The following ZBTB2 variants were observed in gnomAD, a reference collection of about 807,000 sequenced individuals.
ZBTB2 encodes the protein zinc finger and BTB domain containing 2.
Under a neutral mutation model 39.5 loss-of-function variants are expected in ZBTB2, and 2 were observed. The ratio of observed to expected loss-of-function variants is 0.05; its 90% CI spans 0.02 to 0.16. The LOEUF (loss-of-function observed/expected upper bound fraction) is 0.16. Among genes scored for constraint, ZBTB2 ranks in the 10% least tolerant of loss-of-function variants. ZBTB2 has a pLI of 1.00. For synonymous variants in ZBTB2, 251 were observed against 256.6 expected (o/e 0.98, Z 0.21); for missense variants, 391 against 653.0 (o/e 0.60, Z 4.37).
chr6:151,385,212 C>T lies in ZBTB2; in HGVS notation c.-13+6208G>A, dbSNP rs188878324. 3.7e-3 allele frequency among the ~76,000 whole-genome samples: 569 copies of T among 152,216 alleles called. 3 individuals carry two copies. The highest frequency in any genetic ancestry group is 0.011 in the African/African-American group (461 of 41,520). Reference sequence around the variant, plus strand: ...GTATGTGTACAAAGCTTTTACTTTTCTTAAGTAAATTCAGAGACTATAAGA... The same window carrying T: ...GTATGTGTACAAAGCTTTTACTTTTTTTAAGTAAATTCAGAGACTATAAGA... On this transcript the variant is annotated intron_variant, in intron 1 of 2. Coordinates refer to ENST00000325144, the MANE Select transcript of ZBTB2 (RefSeq NM_020861.3).
chr6:151,380,940 A>T (rs1433360452), intron 1 of ZBTB2, among the ~76,000 whole-genome samples: 1 of 152,162 alleles, frequency 6.6e-6, no homozygotes, highest in Non-Finnish European at 1.5e-5. Flanking sequence ...AAGGACAATA[A>T]AAACCAGGTA....
Position 151,366,752 on chromosome 6 carries a change from T to C in ZBTB2, c.314A>G (p.Tyr105Cys). 1 of 1,613,974 alleles carries C rather than the reference T, an allele frequency of 6.2e-7. No homozygotes were observed. The highest frequency in any genetic ancestry group is 1.1e-5 in the South Asian group (1 of 91,062). Residue 105 changes from tyrosine to cysteine, a missense_variant, in exon 3 of 3, where the codon TAC (tyrosine) becomes TGC (cysteine). By Grantham distance (194) the Tyr-to-Cys change is radical. Around this residue, in one of 7 missense-constraint regions of ZBTB2, gnomAD observed 175 missense variants for 198.6 expected, o/e 0.88. Transcript: ENST00000325144. The surrounding 1 kb of genome is among the most constrained non-coding windows in gnomAD (Gnocchi z 7.1). ...GAGGCTGGCTTCCTGAATGAGCGGG[T>C]AGGCGTGCAGAAACTTGATGCCCTG... Reference protein sequence around the residue: ...LEQGIKFLHAYPLIQEASLAS... With the variant: ...LEQGIKFLHACPLIQEASLAS...
chr6:151,366,684 G>A lies in ZBTB2; in HGVS notation c.382C>T (p.Leu128=). 6.2e-7 allele frequency: 1 copy of A among 1,614,186 alleles called. No individual in the cohort carries two copies. Among genetic ancestry groups the A allele is most frequent in the Non-Finnish European group, 8.5e-7 (1 of 1,180,038 alleles). Reference sequence around the variant, plus strand: ...TGAATGCCATACAATGAAGAAGCCAGTGGGAAAACTTGGTCAGGGTGAGAA... The same window carrying A: ...TGAATGCCATACAATGAAGAAGCCAATGGGAAAACTTGGTCAGGGTGAGAA... ...AFSHPDQVFP[L]ASSLYGIQIA... Residue 128 remains leucine (L), a synonymous_variant, in exon 3 of 3, where the codon CTG becomes TTG. Transcript: ENST00000325144. This position sits in a 1 kb window ranked among gnomAD's most constrained non-coding sequence, Gnocchi z 7.1.
At chr6:151,390,360 C>T (rs1423679397) in intron 1 of ZBTB2, among the ~76,000 whole-genome samples, 1 of 150,034 alleles carries the variant, frequency 6.7e-6, no homozygotes, top group East Asian at 2.0e-4. Flanking sequence ...CTCCCTGTCC[C>T]CGTCCCCGAG....
intron 1 of ZBTB2, among the ~76,000 whole-genome samples, chr6:151,375,087 TC>T: frequency 6.6e-6 from 1 of 151,778 alleles, no homozygotes; most frequent in African/African-American, 2.4e-5. Flanking sequence ...ACCACTGCAC[TC>T]CAGCCTGGGT....
intron 1 of ZBTB2, among the ~76,000 whole-genome samples, chr6:151,376,469 C>A (rs978121717): frequency 5.3e-5 from 8 of 151,986 alleles, no homozygotes; most frequent in Non-Finnish European, 7.4e-5. Context: ...GGATTAGTAA[C>A]TGGAATATAT....
intron 2 of ZBTB2, among the ~76,000 whole-genome samples, chr6:151,368,200 G>C (rs1001140474): frequency 6.6e-6 from 1 of 152,150 alleles, no homozygotes; most frequent in South Asian, 2.1e-4. Flanking sequence ...AGGCTGGACT[G>C]CAGTGGTGCG....
intron 1 of ZBTB2, among the ~76,000 whole-genome samples, chr6:151,377,279 G>A (rs1475597425): frequency 1.3e-5 from 2 of 151,920 alleles, no homozygotes; most frequent in East Asian, 3.9e-4. Flanking sequence ...TTTGCAAGAT[G>A]TTTCCATTAG....
At chr6:151,376,384 T>C (rs1778909736) in intron 1 of ZBTB2, among the ~76,000 whole-genome samples, 2 of 152,104 alleles carry the variant, frequency 1.3e-5, no homozygotes, top group South Asian at 2.1e-4. Context: ...AAGACCTCAT[T>C]GAGAGGATGA....
rs1176816501 is a variant in ZBTB2 at position 151,391,505 on chromosome 6, C to G, written c.-98G>C. The G allele has an allele frequency of 6.5e-6, 1 of 153,604 alleles. No individual in the cohort carries two copies. The highest frequency in any genetic ancestry group is 2.4e-5 in the African/African-American group (1 of 41,426). The allele number at this position is 153,604 out of a possible 1,614,324, so 9.5% of individuals were successfully genotyped here. On this transcript the variant is annotated 5_prime_UTR_variant, in exon 1 of 3. Coordinates refer to ENST00000325144, the MANE Select transcript of ZBTB2 (RefSeq NM_020861.3). ...GTGCTGTCCTCCCCGCCGCCGCCGC[C>G]TCTGCCTCTCGCTGCTGCTGCTGCT... is the stretch of plus-strand genomic sequence containing the variant.
At position 151,366,858 on chromosome 6, in the gene ZBTB2, G is replaced by A. The variant is rs1778663438; in HGVS notation, c.208C>T (p.Pro70Ser). ...TGTAAGAGATAGCTGAAGATGTCGG[G>A]CTGTATGTCAGTTGGTTTCAAGCGG... ...CVRLKPTDIQ[P>S]DIFSYLLHLM... The change falls in exon 3 of 3, where the codon CCC (proline) becomes TCC (serine). Residue 70 changes from proline (P) to serine (S), a missense_variant. Coordinates refer to ENST00000325144, the MANE Select transcript of ZBTB2 (RefSeq NM_020861.3). The surrounding 1 kb of genome is among the most constrained non-coding windows in gnomAD (Gnocchi z 7.1). 1 of 1,612,412 alleles carries A rather than the reference G, an allele frequency of 6.2e-7. No individual in the cohort carries two copies. Among genetic ancestry groups the A allele is most frequent in the South Asian group, 1.1e-5 (1 of 90,946 alleles).
Position 151,386,187 on chromosome 6 carries a change from T to C in ZBTB2, c.-13+5233A>G, listed in dbSNP as rs193016066. Among the ~76,000 whole-genome samples the C allele has an allele frequency of 5.5e-3, 838 of 152,274 alleles. 2 individuals are homozygous for C. The highest frequency in any genetic ancestry group is 0.02 in the Middle Eastern group (6 of 294). ...CGAGTTCATATTAAAGTAATAATTC[T>C]AAAGGCATTATGCTACAATCAACCT... On this transcript the variant is annotated intron_variant, in intron 1 of 2. Coordinates refer to ENST00000325144, the MANE Select transcript of ZBTB2 (RefSeq NM_020861.3).
Position 151,365,396 on chromosome 6 carries a change from G to T in ZBTB2, c.*125C>A. On this transcript the variant is annotated 3_prime_UTR_variant, in exon 3 of 3. Coordinates refer to ENST00000325144, the MANE Select transcript of ZBTB2 (RefSeq NM_020861.3). This position sits in a 1 kb window ranked among gnomAD's most constrained non-coding sequence, Gnocchi z 5.6. ...AGGTGGGGCTGGGATGTGGAAAAGG[G>T]GAAGAGGAGAAGAGAACAAGGACCT... 1.8e-6 allele frequency: 2 copies of T among 1,123,296 alleles called. No homozygotes were observed. The highest frequency in any genetic ancestry group is 1.3e-6 in the Non-Finnish European group (1 of 790,314). 69.6% of individuals were successfully genotyped at this position (1,123,296 alleles called of 1,614,324 possible).
At chr6:151,373,370 G>A (rs778327404) in intron 2 of ZBTB2, 95 bp downstream of exon 2, 4 of 1,386,920 alleles carry the variant, frequency 2.9e-6, no homozygotes, top group Admixed American at 1.9e-5. Context: ...CTAGGAGCTA[G>A]GAGACGTAGA....
intron 1 of ZBTB2, among the ~76,000 whole-genome samples, chr6:151,384,257 T>C (rs1779103108): frequency 1.3e-5 from 2 of 152,232 alleles, no homozygotes; most frequent in Non-Finnish European, 2.9e-5. Flanking sequence ...TTAAGGATTT[T>C]GGTCCATATC....
intron 2 of ZBTB2, among the ~76,000 whole-genome samples, chr6:151,371,484 T>C (rs1297721157): frequency 6.6e-6 from 1 of 152,142 alleles, no homozygotes; most frequent in African/African-American, 2.4e-5. Flanking sequence ...CTGCATGAGC[T>C]GGGACTCAGG....
chr6:151,373,681 G>C (rs981339616), intron 1 of ZBTB2, 32 bp from the exon 2 acceptor site: 5 of 1,590,066 alleles, frequency 3.1e-6, no homozygotes, highest in Non-Finnish European at 2.6e-6. Context: ...TTTTAAGAAG[G>C]TGATTCACAA....
intron 2 of ZBTB2, among the ~76,000 whole-genome samples, chr6:151,367,933 A>G (rs1258326027): frequency 2.6e-5 from 4 of 152,238 alleles, no homozygotes; most frequent in Non-Finnish European, 4.4e-5. Flanking sequence ...CAAATTCTAA[A>G]GCATCATTAG....
At chr6:151,377,979 A>T (rs1250290558) in intron 1 of ZBTB2, 1 of 151,974 alleles carries the variant, frequency 6.6e-6, no homozygotes, top group Non-Finnish European at 1.5e-5. Context: ...AGCAATTTTT[A>T]AAATTATTTA....
Sources: allele counts gnomAD v4.1 joint callset (sites outside exome capture counted in the v4.1 genomes callset), GRCh38; gene constraint gnomAD v4.1.1; regional missense constraint gnomAD v4.1.1; non-coding constraint Gnocchi (gnomAD v3.1); transcripts MANE v1.5; gene names NCBI Gene and HGNC (gene_info 2026-07-23, HGNC 2026-07-21).